ZNF638: variants seen among roughly 807,000 people sequenced by gnomAD.
ZNF638 encodes zinc finger protein 638.
ZNF638 carries 46 observed loss-of-function variants against 195.6 expected under a neutral mutation model. That is an observed-to-expected ratio of 0.24 (90% CI 0.19 to 0.30). The LOEUF (loss-of-function observed/expected upper bound fraction) is 0.30. ZNF638 is among the 10% of genes least tolerant of loss of function. The probability of loss-of-function intolerance (pLI) is 1.00; values close to 1 mark genes in which losing one functional copy is unlikely to be tolerated. For missense variants in ZNF638, 2,440 were observed against 2,325.3 expected (o/e 1.05, Z -1.01); for synonymous variants, 845 against 772.0 (o/e 1.09, Z -1.57).
intron 20 of ZNF638, 196 bp from the exon 21 acceptor site, chr2:71,418,406 G>T (rs2152596376): frequency 5.2e-6 from 2 of 386,382 alleles, no homozygotes; most frequent in Non-Finnish European, 9.2e-6. Context: ...TATTGTGTGT[G>T]ACCTAATTTG....
intron 1 of ZNF638, 166 bp from the exon 2 acceptor site, chr2:71,348,587 G>A (rs1398501154): frequency 1.7e-6 from 2 of 1,198,930 alleles, no homozygotes; most frequent in Non-Finnish European, 2.1e-6. Flanking sequence ...GAAAAGAAGA[G>A]AAAGTTTTTG....
chr2:71,369,262 G>A lies in ZNF638; in HGVS notation c.2143-621G>A, dbSNP rs183436706. 6.9e-3 allele frequency among the ~76,000 whole-genome samples: 1,027 copies of A among 149,686 alleles called. 10 individuals are homozygous for A. The highest frequency in any genetic ancestry group is 0.011 in the Admixed American group (167 of 14,856). On this transcript the variant is annotated intron_variant, in intron 7 of 27. Coordinates refer to ENST00000264447, the MANE Select transcript of ZNF638 (RefSeq NM_014497.5). ...CTCTTGAACCCGGGAGGCAGAGGTTGCAGTGACTAGAGATGGCGCCGCTGC... is the reference window on the plus strand; with the variant it reads ...CTCTTGAACCCGGGAGGCAGAGGTTACAGTGACTAGAGATGGCGCCGCTGC...
intron 10 of ZNF638, among the ~76,000 whole-genome samples, chr2:71,392,116 C>G (rs1020615796): frequency 1.3e-5 from 2 of 152,192 alleles, no homozygotes; most frequent in Non-Finnish European, 2.9e-5. Context: ...TAAGAATTTT[C>G]TTGAGTAGAA....
Position 71,406,151 on chromosome 2 carries a change from T to A in ZNF638, c.3024T>A (p.Asp1008Glu). The change falls in exon 19 of 28, where the codon GAT becomes GAA. Residue 1008 changes from aspartate to glutamate, a missense_variant. Asp to Glu is a conservative substitution (Grantham distance 45, BLOSUM62 2). Transcript: ENST00000264447. ...AGGCAAACATAGATACAATTTATGA[T>A]CGATTTGTACATCTTGATAATTTAC... is the stretch of plus-strand genomic sequence containing the variant. ...DPEANIDTIY[D>E]RFVHLDNLPE... 6.2e-7 allele frequency: 1 copy of A among 1,613,732 alleles called. No homozygotes were observed. The highest frequency in any genetic ancestry group is 8.5e-7 in the Non-Finnish European group (1 of 1,179,750).
chr2:71,368,677 C>T (rs951387563), intron 7 of ZNF638, 149 bp downstream of exon 7: 29 of 814,924 alleles, frequency 3.6e-5, no homozygotes, highest in Middle Eastern at 3.7e-4. Context: ...TAAGCAAGGC[C>T]GCAAAATAAT....
chr2:71,391,653 A>G (rs1303794266), intron 10 of ZNF638, among the ~76,000 whole-genome samples: 2 of 152,238 alleles, frequency 1.3e-5, no homozygotes, highest in Admixed American at 6.5e-5. Flanking sequence ...TAAGACCTCA[A>G]AAGGTTAAAT....
At chr2:71,401,360 T>C (rs2080002112) in intron 15 of ZNF638, among the ~76,000 whole-genome samples, 1 of 152,122 alleles carries the variant, frequency 6.6e-6, no homozygotes, top group Non-Finnish European at 1.5e-5. Flanking sequence ...AAGTGCTTAA[T>C]TGCATTGAGG....
intron 6 of ZNF638, among the ~76,000 whole-genome samples, chr2:71,366,451 A>G (rs2079201609): frequency 2.0e-5 from 3 of 152,150 alleles, no homozygotes; most frequent in African/African-American, 7.2e-5. Context: ...TGATTTTAGT[A>G]TGGAATATTT....
chr2:71,364,896 A>G (rs13403810), intron 5 of ZNF638, among the ~76,000 whole-genome samples: 39,963 of 152,090 alleles, frequency 0.26, 6,912 homozygotes, highest in African/African-American at 0.49. Flanking sequence ...ACATGCCTCC[A>G]TGAGGCTGGA....
chr2:71,423,348 T>G lies in ZNF638; in HGVS notation c.3834T>G (p.Thr1278=), dbSNP rs770154990. 1 of 1,613,874 alleles carries G rather than the reference T, an allele frequency of 6.2e-7. No individual in the cohort carries two copies. ...NETVSEILPS[T]CIVTLVPGIP... is the part of the protein sequence containing the mutation. ...CTGTTTCGGAAATATTGCCATCAACTTGTATTGTGACGTTAGTACCAGGAA... is the reference window on the plus strand; with the variant it reads ...CTGTTTCGGAAATATTGCCATCAACGTGTATTGTGACGTTAGTACCAGGAA... The change falls in exon 22 of 28, where the codon ACT becomes ACG. Residue 1278 remains threonine, a synonymous_variant. Transcript: ENST00000264447.
chr2:71,355,083 G>C (rs918024476), intron 2 of ZNF638, among the ~76,000 whole-genome samples: 1 of 151,896 alleles, frequency 6.6e-6, no homozygotes, highest in African/African-American at 2.4e-5. Context: ...ATTCTCCTGC[G>C]TCAGCCTCCT....
At chr2:71,355,156 G>A (rs979646617) in intron 2 of ZNF638, among the ~76,000 whole-genome samples, 1 of 151,994 alleles carries the variant, frequency 6.6e-6, no homozygotes, top group East Asian at 1.9e-4. Flanking sequence ...TTTTAGTAGA[G>A]ACAGGGTTTC....
At position 71,418,682 on chromosome 2, in the gene ZNF638, G is replaced by C. The variant is rs1573155532; in HGVS notation, c.3299+43G>C. The C allele has an allele frequency of 2.1e-6, 3 of 1,399,400 alleles. No individual in the cohort carries two copies. In the East Asian group the frequency reaches 7.5e-5, roughly 35 times the overall value. The allele number at this position is 1,399,400 out of a possible 1,614,324, so 86.7% of individuals were successfully genotyped here. ...TACTAACACTTTTGTATAGTATTTA[G>C]TTTCTGAATTTTATTGCTGTATTTT... On this transcript the variant is annotated intron_variant, in intron 21 of 27. Transcript: ENST00000264447.
At chr2:71,396,068 A>C in intron 10 of ZNF638, 73 bp from the exon 11 acceptor site, 1 of 1,376,432 alleles carries the variant, frequency 7.3e-7, no homozygotes, top group South Asian at 1.2e-5. Flanking sequence ...AATTATTGCT[A>C]GGTTGACTTT....
chr2:71,352,700 T>G (rs984933890), intron 2 of ZNF638, among the ~76,000 whole-genome samples: 1 of 152,030 alleles, frequency 6.6e-6, no homozygotes, highest in Non-Finnish European at 1.5e-5. Flanking sequence ...ATAAGTTTGT[T>G]GATAAGTGAA....
chr2:71,362,173 C>T (rs757494183), intron 3 of ZNF638, among the ~76,000 whole-genome samples: 1 of 152,084 alleles, frequency 6.6e-6, no homozygotes, highest in Non-Finnish European at 1.5e-5. Context: ...CTAGTTTTTC[C>T]GTGATTGCTT....
intron 10 of ZNF638, among the ~76,000 whole-genome samples, chr2:71,386,840 T>A (rs908798007): frequency 6.6e-6 from 1 of 152,132 alleles, no homozygotes; most frequent in Non-Finnish European, 1.5e-5. Flanking sequence ...TTCACTGTTA[T>A]AAGATGCCTT....
rs368677300 is a variant in ZNF638, at chr2:71,431,407, G to T, written c.5731G>T (p.Val1911Leu). 2.5e-6 allele frequency: 4 copies of T among 1,613,898 alleles called. No homozygotes were observed. The highest frequency in any genetic ancestry group is 2.7e-5 in the African/African-American group (2 of 74,934). The change falls in exon 26 of 28, where the codon GTG becomes TTG. Residue 1911 changes from valine (V) to leucine (L), a missense_variant. Around this residue, in one of 5 missense-constraint regions of ZNF638, gnomAD observed 1,883 missense variants for 1,739.1 expected, o/e 1.08. Transcript: ENST00000264447. ...KTEDSSSGKSVASDVPEELDF... is the reference protein window; with the variant it reads ...KTEDSSSGKSLASDVPEELDF... ...TGAAGACTCTTCTTCAGGCAAATCA[G>T]TGGCGTCTGATGTCCCTGAGGGTAA...
At chr2:71,404,110 C>T in intron 17 of ZNF638, 112 bp downstream of exon 17, 1 of 1,066,944 alleles carries the variant, frequency 9.4e-7, no homozygotes, top group Non-Finnish European at 1.3e-6. Flanking sequence ...CTCACAGACA[C>T]TGAGAAAGCT....
Sources: gnomAD v4.1 joint callset for allele counts (sites outside exome capture counted in the v4.1 genomes callset) on GRCh38, gnomAD v4.1.1 for gene constraint, gnomAD v4.1.1 regional missense constraint, MANE v1.5 for transcripts, NCBI Gene and HGNC (gene_info 2026-07-23, HGNC 2026-07-21) for gene names.